Variants in HS3ST5 observed in about 807,000 individuals in gnomAD.
HS3ST5 encodes heparan sulfate glucosamine 3-O-sulfotransferase 5.
A neutral mutation model predicts 25.4 loss-of-function variants in HS3ST5; 10 were observed. That is an observed-to-expected ratio of 0.39 (90% CI 0.24 to 0.67). The LOEUF (loss-of-function observed/expected upper bound fraction) is 0.67, where lower values mean the gene tolerates loss of function less well. HS3ST5 is among the 30% of genes least tolerant of loss of function. The pLI is 0.44. For synonymous variants in HS3ST5, 170 were observed against 162.4 expected (o/e 1.05, Z -0.36); for missense variants, 324 against 420.7 (o/e 0.77, Z 2.01).
intron 1 of HS3ST5, among the ~76,000 whole-genome samples, chr6:114,259,660 T>G (rs948203328): frequency 2.0e-5 from 3 of 152,260 alleles, no homozygotes; most frequent in African/African-American, 7.2e-5. Flanking sequence ...ATCAATGTGG[T>G]ACGTCAATGT....
At chr6:114,229,874 C>T (rs1490217776) in intron 1 of HS3ST5, among the ~76,000 whole-genome samples, 1 of 152,170 alleles carries the variant, frequency 6.6e-6, no homozygotes, top group African/African-American at 2.4e-5. Flanking sequence ...GATATAGGGC[C>T]TGTGAAGGAT....
At position 114,274,666 on chromosome 6, in the gene HS3ST5, T is replaced by G. The variant is rs563822386; in HGVS notation, c.-338-45888A>C. Among the ~76,000 whole-genome samples, 62 of 152,074 alleles carry G rather than the reference T, an allele frequency of 4.1e-4. 1 individual carries two copies. Among genetic ancestry groups the G allele is most frequent in the Non-Finnish European group, 8.4e-4 (57 of 67,972 alleles). ...TGGAAAGACAAGTGGCAGTTAAGGA[T>G]GCAGTACTTGAAATTGAGATTATAA... is the stretch of plus-strand genomic sequence containing the variant. On this transcript the variant is annotated intron_variant, in intron 1 of 4. Coordinates refer to ENST00000312719, the MANE Select transcript of HS3ST5 (RefSeq NM_153612.4).
At chr6:114,087,251 T>C (rs1774887281) in intron 3 of HS3ST5, among the ~76,000 whole-genome samples, 1 of 152,202 alleles carries the variant, frequency 6.6e-6, no homozygotes, top group African/African-American at 2.4e-5. Flanking sequence ...TGCCCAGACA[T>C]GCCAGGTACT....
At chr6:114,084,767 C>A in intron 3 of HS3ST5, 1 of 762,358 alleles carries the variant, frequency 1.3e-6, no homozygotes, top group Non-Finnish European at 2.4e-6. Context: ...TGGAGTGGCT[C>A]CAGTGGCAGC....
At chr6:114,058,482 C>T in intron 4 of HS3ST5, 1 of 290,004 alleles carries the variant, frequency 3.4e-6, no homozygotes, top group Non-Finnish European at 6.5e-6. Context: ...ACAAGTGGCA[C>T]CAGCCATACT....
At chr6:114,335,715 T>A (rs1017226142) in intron 1 of HS3ST5, among the ~76,000 whole-genome samples, 5 of 151,256 alleles carry the variant, frequency 3.3e-5, no homozygotes, top group African/African-American at 9.7e-5. Flanking sequence ...AGTGCAGTGG[T>A]GCAATCTCGG....
chr6:114,208,432 C>T (rs1781372643), intron 2 of HS3ST5, among the ~76,000 whole-genome samples: 1 of 152,182 alleles, frequency 6.6e-6, no homozygotes, highest in African/African-American at 2.4e-5. Flanking sequence ...ATTATTGTCC[C>T]TTGACCCTGA....
intron 3 of HS3ST5, among the ~76,000 whole-genome samples, chr6:114,119,283 G>T (rs757651574): frequency 1.3e-5 from 2 of 152,210 alleles, no homozygotes; most frequent in Non-Finnish European, 2.9e-5. Context: ...CACTGGCATG[G>T]TGGTTGGACC....
intron 1 of HS3ST5, among the ~76,000 whole-genome samples, chr6:114,279,364 T>G (rs1774003147): frequency 6.6e-6 from 1 of 152,090 alleles, no homozygotes; most frequent in Non-Finnish European, 1.5e-5. Flanking sequence ...AATTGCACCA[T>G]GGGGTTCTGC....
At chr6:114,164,542 T>C (rs956141514) in intron 3 of HS3ST5, among the ~76,000 whole-genome samples, 1 of 152,186 alleles carries the variant, frequency 6.6e-6, no homozygotes. Context: ...AGAGGCCTCC[T>C]CTAGGCAGGC....
chr6:114,137,440 G>A (rs1777681467), intron 3 of HS3ST5, among the ~76,000 whole-genome samples: 2 of 152,130 alleles, frequency 1.3e-5, no homozygotes, highest in African/African-American at 4.8e-5. Context: ...ATCATTGCTT[G>A]GGTGCCAAGA....
At chr6:114,253,273 T>C (rs1463822694) in intron 1 of HS3ST5, among the ~76,000 whole-genome samples, 3 of 152,234 alleles carry the variant, frequency 2.0e-5, no homozygotes, top group Non-Finnish European at 4.4e-5. Context: ...CATGTAATCA[T>C]AAAAATATTA....
At chr6:114,146,124 C>T (rs1778150612) in intron 3 of HS3ST5, among the ~76,000 whole-genome samples, 1 of 152,088 alleles carries the variant, frequency 6.6e-6, no homozygotes. Flanking sequence ...AGTCCAGTTG[C>T]TTCTAGATAT....
In HS3ST5 at chr6:114,291,025, C is replaced by T. The variant is rs1446269812; in HGVS notation, c.-339+51170G>A. ...GGAGTCGACCCTACTCAGTCTCTTT[C>T]TAGGTACACCAGGTACTCTTTCTGT... is the stretch of plus-strand genomic sequence containing the variant. On this transcript the variant is annotated intron_variant, in intron 1 of 4. Transcript: ENST00000312719. 2.0e-5 allele frequency among the ~76,000 whole-genome samples: 3 copies of T among 152,026 alleles called. No homozygotes were observed. In the South Asian group the frequency reaches 6.2e-4, roughly 31 times the overall value.
At chr6:114,303,310 C>A (rs1775157716) in intron 1 of HS3ST5, among the ~76,000 whole-genome samples, 1 of 150,846 alleles carries the variant, frequency 6.6e-6, no homozygotes, top group South Asian at 2.1e-4. Flanking sequence ...TCCTCAGTCC[C>A]CCCACCCCCA....
intron 3 of HS3ST5, among the ~76,000 whole-genome samples, chr6:114,076,248 C>T (rs186489605): frequency 7.5e-4 from 114 of 152,274 alleles, no homozygotes; most frequent in African/African-American, 2.7e-3. Context: ...AACCACTTAA[C>T]CCCCTGATCT....
At chr6:114,064,471 C>T (rs1240718766) in intron 3 of HS3ST5, among the ~76,000 whole-genome samples, 2 of 152,086 alleles carry the variant, frequency 1.3e-5, no homozygotes, top group Non-Finnish European at 2.9e-5. Flanking sequence ...AGAATGTGGG[C>T]ATGGTAAAAT....
At chr6:114,276,178 T>C (rs1474248470) in intron 1 of HS3ST5, among the ~76,000 whole-genome samples, 1 of 151,180 alleles carries the variant, frequency 6.6e-6, no homozygotes, top group Non-Finnish European at 1.5e-5. Flanking sequence ...TATGCTTATG[T>C]TAGTTCTTTA....
At chr6:114,274,817 T>TGGAGTCTGAGAATGTGTC (rs545890456) in intron 1 of HS3ST5, among the ~76,000 whole-genome samples, 3 of 152,032 alleles carry the variant, frequency 2.0e-5, no homozygotes, top group South Asian at 4.1e-4. Flanking sequence ...TTAAGTACCT[T>TGGAGTCTGAGAATGTGTC]GGAGTCTGAG....
Sources: gnomAD v4.1 joint callset for allele counts (sites outside exome capture counted in the v4.1 genomes callset) on GRCh38, gnomAD v4.1.1 for gene constraint, MANE v1.5 for transcripts, NCBI Gene and HGNC (gene_info 2026-07-23, HGNC 2026-07-21) for gene names.